The following MARCHF1 variants were observed in gnomAD, a reference collection of about 807,000 sequenced individuals.
MARCHF1 encodes the protein membrane associated ring-CH-type finger 1, also known as E3 ubiquitin-protein ligase MARCHF1.
MARCHF1 carries 40 observed loss-of-function variants against 54.2 expected under a neutral mutation model. The observed-to-expected ratio is 0.74, with a 90% CI of 0.57 to 0.96. The LOEUF (loss-of-function observed/expected upper bound fraction) is 0.96. MARCHF1 is among the 40% of genes least tolerant of loss of function. The pLI is 0.00. For synonymous variants in MARCHF1, 236 were observed against 236.3 expected (o/e 1.00, Z 0.01); for missense variants, 586 against 656.5 (o/e 0.89, Z 1.17).
intron 1 of MARCHF1, among the ~76,000 whole-genome samples, chr4:164,376,553 C>T (rs1402497903): frequency 6.6e-6 from 1 of 152,112 alleles, no homozygotes; most frequent in Non-Finnish European, 1.5e-5. Flanking sequence ...AAGGCTAATA[C>T]AGGTGCATGC....
intron 7 of MARCHF1, among the ~76,000 whole-genome samples, chr4:163,594,759 A>AAC (rs3080975): frequency 0.23 from 14,919 of 65,534 alleles, 1,148 homozygotes; most frequent in East Asian, 0.43. Context: ...TCAAAACACA[A>AAC]ACACACACAC....
chr4:164,009,550 T>G (rs1172210574), intron 2 of MARCHF1, among the ~76,000 whole-genome samples: 2 of 152,238 alleles, frequency 1.3e-5, no homozygotes, highest in South Asian at 2.1e-4. Context: ...CTCAACAAAA[T>G]ACTACCAAAC....
intron 1 of MARCHF1, among the ~76,000 whole-genome samples, chr4:164,186,213 G>A (rs1040203039): frequency 1.1e-4 from 17 of 152,086 alleles, no homozygotes; most frequent in African/African-American, 3.1e-4. Context: ...TTTAATAATC[G>A]TTGAAAATGC....
In MARCHF1 at chr4:163,662,278, T is replaced by C. The variant is rs559825643; in HGVS notation, c.162+38535A>G. 6.6e-5 allele frequency among the ~76,000 whole-genome samples: 10 copies of C among 152,122 alleles called. No homozygotes were observed. The East Asian group carries it at 1.7e-3, about 27-fold the overall frequency. The stretch of plus-strand genomic sequence containing the variant: ...ATCCTGGAACTCTTATTGTTTCTAG[T>C]ACTGTTTTTATTTCTTATTCATCTT... On this transcript the variant is annotated intron_variant, in intron 5 of 9. Transcript: ENST00000514618.
At chr4:163,701,830 T>G (rs1579208800) in intron 4 of MARCHF1, among the ~76,000 whole-genome samples, 1 of 127,884 alleles carries the variant, frequency 7.8e-6, no homozygotes, top group South Asian at 2.4e-4. Context: ...AATGTAAGAA[T>G]TCCTTTTGTT....
intron 1 of MARCHF1, chr4:164,190,195 A>G: frequency 1.3e-6 from 2 of 1,566,864 alleles, no homozygotes; most frequent in Admixed American, 1.9e-5. Context: ...CTGGAAAGCC[A>G]CCAAGCTGCT....
In MARCHF1 at chr4:163,852,931, A is replaced by T. The variant is rs1389693; in HGVS notation, c.111+1090T>A. Among the ~76,000 whole-genome samples, 667 of 152,184 alleles carry T rather than the reference A, an allele frequency of 4.4e-3. 26 individuals carry two copies. The East Asian group carries it at 0.1, about 23-fold the overall frequency. The stretch of plus-strand genomic sequence containing the variant: ...GGCCCTCATAAATGGTATTAGTGCC[A>T]TTATAGAAGAAGCCTGAGGGAGCTT... On this transcript the variant is annotated intron_variant, in intron 4 of 9. Transcript: ENST00000514618.
At chr4:163,867,032 CTCA>C (rs1475103386) in intron 3 of MARCHF1, among the ~76,000 whole-genome samples, 1 of 151,884 alleles carries the variant, frequency 6.6e-6, no homozygotes, top group Admixed American at 6.6e-5. Context: ...ACTCACATGA[CTCA>C]GTCTCCAGGC....
At chr4:163,636,041 A>G (rs1325398748) in intron 5 of MARCHF1, among the ~76,000 whole-genome samples, 1 of 152,188 alleles carries the variant, frequency 6.6e-6, no homozygotes, top group Non-Finnish European at 1.5e-5. Flanking sequence ...ACAAAATTCA[A>G]CAACCCTTCA....
chr4:163,538,378 G>C (rs765978496), intron 9 of MARCHF1, among the ~76,000 whole-genome samples: 5 of 151,280 alleles, frequency 3.3e-5, no homozygotes, highest in African/African-American at 4.9e-5. Context: ...TCCTAATCCT[G>C]TACTCTATTG....
chr4:163,610,157 C>A (rs970046247), intron 7 of MARCHF1, among the ~76,000 whole-genome samples: 14 of 151,956 alleles, frequency 9.2e-5, no homozygotes, highest in Non-Finnish European at 2.1e-4. Flanking sequence ...TCTTCAAATC[C>A]TGCAGTATTC....
chr4:163,745,703 C>T (rs1196346030), intron 4 of MARCHF1, among the ~76,000 whole-genome samples: 1 of 152,152 alleles, frequency 6.6e-6, no homozygotes, highest in Non-Finnish European at 1.5e-5. Context: ...CAGGAGCTAG[C>T]AATGTAAAAG....
chr4:163,720,747 C>T, intron 4 of MARCHF1, among the ~76,000 whole-genome samples: 1 of 152,100 alleles, frequency 6.6e-6, no homozygotes. Context: ...CCTTCACATC[C>T]CTTGTAAGTT....
chr4:163,777,355 A>G (rs1747335831), intron 4 of MARCHF1, among the ~76,000 whole-genome samples: 1 of 152,194 alleles, frequency 6.6e-6, no homozygotes, highest in African/African-American at 2.4e-5. Context: ...AACACAGCAT[A>G]AAGTTACATA....
At chr4:163,832,975 T>A (rs1429141407) in intron 4 of MARCHF1, among the ~76,000 whole-genome samples, 4 of 152,164 alleles carry the variant, frequency 2.6e-5, no homozygotes, top group Non-Finnish European at 5.9e-5. Context: ...CACATTTTCT[T>A]AATCCAGTCT....
intron 1 of MARCHF1, among the ~76,000 whole-genome samples, chr4:164,352,804 G>C (rs1489653496): frequency 6.3e-5 from 7 of 111,612 alleles, no homozygotes; most frequent in Non-Finnish European, 1.2e-4. Context: ...CCAATTAAAA[G>C]ACACAGACTG....
chr4:164,343,352 A>G (rs977388566), intron 1 of MARCHF1, among the ~76,000 whole-genome samples: 1 of 152,194 alleles, frequency 6.6e-6, no homozygotes, highest in East Asian at 1.9e-4. Flanking sequence ...AAAAATAAAA[A>G]TTGACAAATG....
chr4:164,208,673 G>A (rs1449512649), intron 1 of MARCHF1, among the ~76,000 whole-genome samples: 1 of 152,208 alleles, frequency 6.6e-6, no homozygotes, highest in African/African-American at 2.4e-5. Flanking sequence ...AAGAAAATGA[G>A]TGAGAGTTCT....
At chr4:163,533,392 G>A (rs951269563) in intron 9 of MARCHF1, among the ~76,000 whole-genome samples, 1 of 151,792 alleles carries the variant, frequency 6.6e-6, no homozygotes, top group Non-Finnish European at 1.5e-5. Flanking sequence ...TTTTTAAGGC[G>A]GCAACACCAT....
Sources: gnomAD v4.1 joint callset for allele counts (sites outside exome capture counted in the v4.1 genomes callset) on GRCh38, gnomAD v4.1.1 for gene constraint, MANE v1.5 for transcripts, NCBI Gene and HGNC (gene_info 2026-07-23, HGNC 2026-07-21) for gene names.